The following NEDD4L variants were observed in gnomAD, a reference collection of about 807,000 sequenced individuals.
NEDD4L encodes the protein NEDD4 like E3 ubiquitin protein ligase.
In NEDD4L, 54 loss-of-function variants were observed where a neutral mutation model predicts 148.9. The ratio of observed to expected loss-of-function variants is 0.36; its 90% CI spans 0.29 to 0.45. The LOEUF is 0.45. Ranked by LOEUF, NEDD4L falls within the 20% of genes least tolerant of loss-of-function variation. NEDD4L has a pLI of 1.00. For missense variants in NEDD4L, 856 were observed against 1,233.8 expected (o/e 0.69, Z 4.59); for synonymous variants, 433 against 440.7 (o/e 0.98, Z 0.22).
At chr18:58,084,839 T>C (rs543446789) in intron 1 of NEDD4L, among the ~76,000 whole-genome samples, 4 of 151,936 alleles carry the variant, frequency 2.6e-5, no homozygotes, top group Non-Finnish European at 5.9e-5. Flanking sequence ...GGACTACAGG[T>C]GTGTGCCGCA....
intron 24 of NEDD4L, among the ~76,000 whole-genome samples, chr18:58,381,071 G>A (rs4940678): frequency 0.34 from 51,817 of 151,958 alleles, 10,379 homozygotes; most frequent in African/African-American, 0.56. Context: ...AATATATATA[G>A]CATACAAATG....
chr18:58,332,347 G>A (rs895356387), intron 11 of NEDD4L, among the ~76,000 whole-genome samples: 2 of 152,154 alleles, frequency 1.3e-5, no homozygotes, highest in African/African-American at 4.8e-5. Context: ...CTGTATTCAA[G>A]GGGAAGAACA....
intron 1 of NEDD4L, among the ~76,000 whole-genome samples, chr18:58,139,484 C>G (rs1599043007): frequency 6.6e-6 from 1 of 152,100 alleles, no homozygotes; most frequent in East Asian, 1.9e-4. Flanking sequence ...ATCCTATCAA[C>G]ATTCTATCAA....
intron 1 of NEDD4L, among the ~76,000 whole-genome samples, chr18:58,055,150 TTATATG>T (rs1406890055): frequency 6.6e-6 from 1 of 152,120 alleles, no homozygotes; most frequent in African/African-American, 2.4e-5. Flanking sequence ...GGTTAAGTGT[TTATATG>T]TAGAGAAAAT....
At chr18:58,335,438 C>CCTTACAGCGCTGCCACAGCAGTGGG in intron 12 of NEDD4L, 40 bp from the exon 13 acceptor site, 3 of 1,556,874 alleles carry the variant, frequency 1.9e-6, no homozygotes, top group Non-Finnish European at 1.8e-6. Flanking sequence ...AGGGGGTCAT[C>CCTTACAGCGCTGCCACAGCAGTGGG]CCCTAAGTGC....
At chr18:58,350,314 A>G (rs1001122303) in intron 17 of NEDD4L, among the ~76,000 whole-genome samples, 2 of 152,218 alleles carry the variant, frequency 1.3e-5, no homozygotes, top group African/African-American at 4.8e-5. Flanking sequence ...GTTAAGGTTC[A>G]ATCATTATTC....
At chr18:58,270,922 G>T (rs1398088300) in intron 5 of NEDD4L, among the ~76,000 whole-genome samples, 4 of 151,828 alleles carry the variant, frequency 2.6e-5, no homozygotes, top group Non-Finnish European at 5.9e-5. Context: ...ATCTGTCTTT[G>T]GTCTTTCTCC....
At chr18:58,293,039 T>C (rs9947545) in intron 5 of NEDD4L, among the ~76,000 whole-genome samples, 38,648 of 152,128 alleles carry the variant, frequency 0.25, 5,782 homozygotes, top group African/African-American at 0.41. Flanking sequence ...TTTTCTCTCA[T>C]GTCATTTTCC....
At chr18:58,306,084 A>AG (rs2057024941) in intron 5 of NEDD4L, among the ~76,000 whole-genome samples, 1 of 152,166 alleles carries the variant, frequency 6.6e-6, no homozygotes, top group African/African-American at 2.4e-5. Context: ...TGATTTAGAA[A>AG]GGGTAAGCAG....
At chr18:58,138,424 T>A (rs1000046514) in intron 1 of NEDD4L, among the ~76,000 whole-genome samples, 4 of 125,026 alleles carry the variant, frequency 3.2e-5, no homozygotes, top group Admixed American at 1.7e-4. Context: ...TGTGCACAGG[T>A]GCATCCCTGA....
At chr18:58,360,075 A>G (rs1189941428) in intron 19 of NEDD4L, 8 of 152,288 alleles carry the variant, frequency 5.3e-5, no homozygotes, top group Admixed American at 5.2e-4. Context: ...TGTCAATCTC[A>G]TTGTCGTTTC....
At chr18:58,139,797 C>G (rs899512332) in intron 1 of NEDD4L, among the ~76,000 whole-genome samples, 8 of 152,142 alleles carry the variant, frequency 5.3e-5, no homozygotes, top group Admixed American at 5.2e-4. Flanking sequence ...CAGGAAACCA[C>G]CGTAGAACCC....
intron 18 of NEDD4L, among the ~76,000 whole-genome samples, chr18:58,351,981 A>T (rs564718172): frequency 6.6e-6 from 1 of 152,302 alleles, no homozygotes; most frequent in East Asian, 1.9e-4. Flanking sequence ...TTCAGATGTT[A>T]CTAGGAGGCA....
chr18:58,334,451 C>G (rs2041454273), intron 12 of NEDD4L, among the ~76,000 whole-genome samples: 1 of 152,148 alleles, frequency 6.6e-6, no homozygotes. Flanking sequence ...TTTGTAACAT[C>G]TGATGTATGT....
At chr18:58,386,146 G>A (rs974837506) in intron 26 of NEDD4L, among the ~76,000 whole-genome samples, 19 of 151,910 alleles carry the variant, frequency 1.3e-4, no homozygotes, top group Non-Finnish European at 2.1e-4. Flanking sequence ...TCTGCCTCCC[G>A]GGTTCAAGCA....
intron 1 of NEDD4L, among the ~76,000 whole-genome samples, chr18:58,139,962 AT>A (rs2033312869): frequency 6.6e-6 from 1 of 152,212 alleles, no homozygotes; most frequent in South Asian, 2.1e-4. Flanking sequence ...ACCTGATCAG[AT>A]TTATATTTTG....
At chr18:58,173,485 G>T (rs1298869956) in intron 2 of NEDD4L, among the ~76,000 whole-genome samples, 11 of 152,176 alleles carry the variant, frequency 7.2e-5, no homozygotes, top group African/African-American at 2.7e-4. Flanking sequence ...ATGGGCTCAA[G>T]GGTATTGGAG....
chr18:58,338,770 G>C (rs1601437755), intron 13 of NEDD4L, among the ~76,000 whole-genome samples: 1 of 152,152 alleles, frequency 6.6e-6, no homozygotes, highest in East Asian at 1.9e-4. Flanking sequence ...ACAAAAATTA[G>C]CTGGGCATGG....
rs1368529517 is a variant in NEDD4L, at chr18:58,203,731, GA to G, written c.122+37873del. Among the ~76,000 whole-genome samples the G allele has an allele frequency of 4.1e-5, 6 of 147,948 alleles. No homozygotes were observed. In the East Asian group the frequency reaches 1.2e-3, roughly 29 times the overall value. On this transcript the variant is annotated intron_variant, in intron 2 of 30. Coordinates refer to ENST00000400345, the MANE Select transcript of NEDD4L (RefSeq NM_001144967.3). ...TTTTTTACTTTTTATATAATTAAAT[GA>G]AATTCTCCATTTGGTAGTTGATCTC...
Sources: allele counts gnomAD v4.1 joint callset (sites outside exome capture counted in the v4.1 genomes callset), GRCh38; gene constraint gnomAD v4.1.1; transcripts MANE v1.5; gene names NCBI Gene and HGNC (gene_info 2026-07-23, HGNC 2026-07-21).